PLCG2: variants seen among roughly 807,000 people sequenced by gnomAD.
The protein encoded by PLCG2 is phospholipase C gamma 2.
Under a neutral mutation model 175.6 loss-of-function variants are expected in PLCG2, and 69 were observed. The observed-to-expected ratio is 0.39, with a 90% confidence interval of 0.32 to 0.48. The LOEUF (loss-of-function observed/expected upper bound fraction) is 0.48. Among genes scored for constraint, PLCG2 ranks in the 20% least tolerant of loss-of-function variants. PLCG2 has a pLI of 0.91. For missense variants in PLCG2, 1,798 were observed against 1,650.9 expected (o/e 1.09, Z -1.54); for synonymous variants, 827 against 624.0 (o/e 1.33, Z -4.85).
chr16:81,829,743 C>T (rs896149378), intron 2 of PLCG2, among the ~76,000 whole-genome samples: 5 of 152,120 alleles, frequency 3.3e-5, no homozygotes, highest in African/African-American at 7.2e-5. Flanking sequence ...TAGAGCATTC[C>T]ATTGGTGACA....
chr16:81,849,049 G>A (rs1906265727), intron 2 of PLCG2, among the ~76,000 whole-genome samples: 1 of 152,122 alleles, frequency 6.6e-6, no homozygotes, highest in South Asian at 2.1e-4. Context: ...TGCTTGGAGG[G>A]GCCTGTGTGG....
chr16:81,767,542 C>G (rs1429202324), intron 2 of PLCG2: 1 of 152,124 alleles, frequency 6.6e-6, no homozygotes, highest in Non-Finnish European at 1.5e-5. Context: ...TTCTTCTTCT[C>G]TTTGGGATTA....
intron 2 of PLCG2, among the ~76,000 whole-genome samples, chr16:81,795,898 G>A (rs934321966): frequency 6.6e-6 from 1 of 152,234 alleles, no homozygotes; most frequent in Admixed American, 6.5e-5. Flanking sequence ...AATTTGGCAT[G>A]TGACCAAGTG....
chr16:81,948,776 C>A (rs1221818516), intron 31 of PLCG2, among the ~76,000 whole-genome samples: 1 of 152,174 alleles, frequency 6.6e-6, no homozygotes, highest in African/African-American at 2.4e-5. Context: ...AGAGCAAAAA[C>A]TGCTGTGTTT....
At chr16:81,894,283 G>C (rs975199178) in intron 12 of PLCG2, among the ~76,000 whole-genome samples, 24 of 152,152 alleles carry the variant, frequency 1.6e-4, no homozygotes, top group African/African-American at 5.6e-4. Context: ...AAAAAAATTA[G>C]CTGTGTGTAG....
rs541005644 is a variant in PLCG2 at position 81,889,395 on chromosome 16, G to C, written c.867+122G>C. ...TTTGCTGTATGATGTTGCCTCGACT[G>C]ACTGGTTAGCTGGGATTGTTTCTTT... is the stretch of plus-strand genomic sequence containing the variant. On this transcript the variant is annotated intron_variant, in intron 10 of 32. Transcript: ENST00000564138. The C allele has an allele frequency of 1.7e-4, 104 of 623,210 alleles. 1 individual carries two copies. The South Asian group carries it at 1.9e-3, about 12-fold the overall frequency. 38.6% of individuals were successfully genotyped at this position (623,210 alleles called of 1,614,324 possible).
At chr16:81,828,754 A>G (rs1905143537) in intron 2 of PLCG2, among the ~76,000 whole-genome samples, 1 of 152,192 alleles carries the variant, frequency 6.6e-6, no homozygotes, top group Admixed American at 6.5e-5. Flanking sequence ...TGCTGTGATG[A>G]TTGAACAATG....
chr16:81,887,693 C>T (rs1597108960), intron 9 of PLCG2, among the ~76,000 whole-genome samples: 1 of 152,220 alleles, frequency 6.6e-6, no homozygotes, highest in Non-Finnish European at 1.5e-5. Flanking sequence ...AGCACACACA[C>T]ATCTGGTCGC....
intron 2 of PLCG2, among the ~76,000 whole-genome samples, chr16:81,844,458 A>T (rs1047424544): frequency 1.3e-5 from 2 of 152,098 alleles, no homozygotes; most frequent in African/African-American, 4.8e-5. Context: ...AGTAACTGCG[A>T]TTACAGGTGC....
At chr16:81,826,309 A>T (rs11649462) in intron 2 of PLCG2, among the ~76,000 whole-genome samples, 61,491 of 151,878 alleles carry the variant, frequency 0.4, 13,068 homozygotes, top group East Asian at 0.79. Context: ...AGGCTCAGAG[A>T]TGGGGGAACC....
intron 1 of PLCG2, among the ~76,000 whole-genome samples, chr16:81,781,932 C>T (rs1336322592): frequency 6.9e-6 from 1 of 144,036 alleles, no homozygotes; most frequent in Admixed American, 7.5e-5. Flanking sequence ...AGTGCAGTGG[C>T]GCGATCTCGG....
At chr16:81,795,623 A>C (rs1194727088) in intron 2 of PLCG2, among the ~76,000 whole-genome samples, 1 of 152,014 alleles carries the variant, frequency 6.6e-6, no homozygotes, top group Admixed American at 6.5e-5. Context: ...GAAGAGGAAG[A>C]GCAGAGGATG....
intron 15 of PLCG2, 36 bp downstream of exon 15, chr16:81,905,543 A>AC (rs1567525964): frequency 5.6e-6 from 8 of 1,432,614 alleles, no homozygotes; most frequent in Admixed American, 5.1e-5. Flanking sequence ...CACTGCGGCC[A>AC]CGCCCCTTGC....
At chr16:81,901,908 C>T (rs1909168796) in intron 14 of PLCG2, among the ~76,000 whole-genome samples, 1 of 152,222 alleles carries the variant, frequency 6.6e-6, no homozygotes, top group East Asian at 1.9e-4. Flanking sequence ...TAATTTTATG[C>T]ATTATTATTC....
chr16:81,874,531 A>C (rs1469662170), intron 7 of PLCG2, among the ~76,000 whole-genome samples: 1 of 152,148 alleles, frequency 6.6e-6, no homozygotes, highest in Non-Finnish European at 1.5e-5. Flanking sequence ...CAAATTGTTT[A>C]CTTCCTGTTC....
chr16:81,787,432 T>C (rs1597318324), intron 2 of PLCG2, among the ~76,000 whole-genome samples: 2 of 125,502 alleles, frequency 1.6e-5, no homozygotes, highest in East Asian at 4.2e-4. Flanking sequence ...GATCTCACTA[T>C]GTCCAGGCTT....
At chr16:81,776,101 T>TTTTCTTTCTTTCTTTCTTTCTTTCGTTC (rs770091973), upstream of PLCG2, among the ~76,000 whole-genome samples, 1 of 55,310 alleles carries the variant, frequency 1.8e-5, no homozygotes, top group African/African-American at 5.7e-5. Context: ...TTCTTTCTTT[T>TTTTCTTTCTTTCTTTCTTTCTTTCGTTC]TTTCCTTCTT....
At chr16:81,899,747 C>T (rs1043452087) in intron 13 of PLCG2, among the ~76,000 whole-genome samples, 1 of 152,196 alleles carries the variant, frequency 6.6e-6, no homozygotes, top group African/African-American at 2.4e-5. Flanking sequence ...GGAGAAAACA[C>T]CTGTGTCAGA....
chr16:81,845,273 G>C (rs1013911644), intron 2 of PLCG2, among the ~76,000 whole-genome samples: 3 of 152,164 alleles, frequency 2.0e-5, no homozygotes, highest in African/African-American at 7.2e-5. Flanking sequence ...TATGTGTCCA[G>C]CTTGATTCAG....
Sources: allele counts gnomAD v4.1 joint callset (sites outside exome capture counted in the v4.1 genomes callset), GRCh38; gene constraint gnomAD v4.1.1; transcripts MANE v1.5; gene names NCBI Gene and HGNC (gene_info 2026-07-23, HGNC 2026-07-21).